The following TRDN variants were observed in gnomAD, a reference collection of about 807,000 sequenced individuals.
The protein encoded by TRDN is triadin in skeletal muscle.
In TRDN, 161 loss-of-function variants were observed where a neutral mutation model predicts 149.7. The ratio of observed to expected loss-of-function variants is 1.08; its 90% confidence interval spans 0.95 to 1.23. TRDN has a LOEUF of 1.23. TRDN is among the 50% of genes most tolerant of loss of function. TRDN has a pLI of 0.00. For synonymous variants in TRDN, 294 were observed against 250.5 expected (o/e 1.17, Z -1.64); for missense variants, 896 against 823.5 (o/e 1.09, Z -1.08).
At chr6:123,572,356 CT>C (rs1782624603) in intron 1 of TRDN, among the ~76,000 whole-genome samples, 2 of 152,062 alleles carry the variant, frequency 1.3e-5, no homozygotes, top group East Asian at 3.9e-4. Context: ...TTTACCTTTT[CT>C]TTTAATGCTA....
chr6:123,218,773 A>G (rs1369248415), intron 40 of TRDN, 33 bp from the exon 41 acceptor site: 1 of 1,546,580 alleles, frequency 6.5e-7, no homozygotes, highest in East Asian at 2.4e-5. Flanking sequence ...TTGTTAAAAC[A>G]TGCAGAACAT....
intron 1 of TRDN, among the ~76,000 whole-genome samples, chr6:123,624,089 A>G (rs995994331): frequency 6.6e-6 from 1 of 152,128 alleles, no homozygotes; most frequent in South Asian, 2.1e-4. Flanking sequence ...CATCCTTAGA[A>G]TTAAAACAGT....
At chr6:123,481,656 C>A (rs1380311595) in intron 9 of TRDN, among the ~76,000 whole-genome samples, 1 of 152,112 alleles carries the variant, frequency 6.6e-6, no homozygotes, top group Non-Finnish European at 1.5e-5. Context: ...ACCATTAGCA[C>A]TCAGTACCAC....
intron 5 of TRDN, among the ~76,000 whole-genome samples, chr6:123,526,079 G>A (rs1011764210): frequency 6.6e-6 from 1 of 151,934 alleles, no homozygotes; most frequent in Admixed American, 6.6e-5. Context: ...CCTATGACAA[G>A]CCATCTGACA....
chr6:123,620,182 G>A (rs141428668), intron 1 of TRDN, among the ~76,000 whole-genome samples: 2 of 152,276 alleles, frequency 1.3e-5, no homozygotes, highest in South Asian at 2.1e-4. Flanking sequence ...TGTTTTTAAA[G>A]TCTATATGTA....
At chr6:123,361,810 AT>A (rs1780919158) in intron 20 of TRDN, among the ~76,000 whole-genome samples, 1 of 151,500 alleles carries the variant, frequency 6.6e-6, no homozygotes, top group Non-Finnish European at 1.5e-5. Flanking sequence ...TTTATCTTTG[AT>A]TTTCCTTGTT....
chr6:123,484,650 G>T (rs1447871956), intron 9 of TRDN, among the ~76,000 whole-genome samples: 1 of 152,106 alleles, frequency 6.6e-6, no homozygotes, highest in Non-Finnish European at 1.5e-5. Flanking sequence ...CTGACAGCAA[G>T]TCCATGCCAT....
At chr6:123,448,956 C>T (rs1475554873) in intron 10 of TRDN, among the ~76,000 whole-genome samples, 4 of 152,170 alleles carry the variant, frequency 2.6e-5, no homozygotes, top group Middle Eastern at 6.8e-3. Context: ...GGTGGCTAGA[C>T]CCAGAAGAGA....
chr6:123,417,180 C>T (rs1890466), intron 12 of TRDN, among the ~76,000 whole-genome samples: 135,383 of 152,282 alleles, frequency 0.89, 60,394 homozygotes, highest in East Asian at 0.99. Context: ...CTGCATCTCC[C>T]TTTATATCTG....
chr6:123,532,637 C>G (rs1383659713), intron 4 of TRDN, among the ~76,000 whole-genome samples: 2 of 151,898 alleles, frequency 1.3e-5, no homozygotes, highest in African/African-American at 4.8e-5. Context: ...AATCCAATTC[C>G]TTGTAATAAT....
chr6:123,527,576 G>C (rs1780014831), intron 5 of TRDN, among the ~76,000 whole-genome samples: 1 of 151,796 alleles, frequency 6.6e-6, no homozygotes, highest in African/African-American at 2.4e-5. Flanking sequence ...CACTCTGCTT[G>C]GTACTCAAAA....
At chr6:123,497,281 G>GA (rs1254226026) in intron 8 of TRDN, 29 bp from the exon 9 acceptor site, 1 of 1,449,540 alleles carries the variant, frequency 6.9e-7, no homozygotes, top group South Asian at 1.4e-5. Flanking sequence ...AAAGAGCAAT[G>GA]AAAAAATGTC....
chr6:123,560,932 T>C (rs937235417), intron 2 of TRDN, among the ~76,000 whole-genome samples: 2 of 152,214 alleles, frequency 1.3e-5, no homozygotes, highest in African/African-American at 4.8e-5. Context: ...CCATCTGCTA[T>C]TCTACTACTC....
chr6:123,553,877 A>G (rs1781519429), intron 2 of TRDN, among the ~76,000 whole-genome samples: 1 of 152,148 alleles, frequency 6.6e-6, no homozygotes, highest in Non-Finnish European at 1.5e-5. Flanking sequence ...ATTCAAGATG[A>G]TATTTGGGTG....
intron 23 of TRDN, among the ~76,000 whole-genome samples, chr6:123,324,469 C>A (rs569693066): frequency 9.9e-5 from 15 of 151,810 alleles, no homozygotes; most frequent in African/African-American, 3.4e-4. Flanking sequence ...AAACAAAAAA[C>A]AAAACGAAAC....
Position 123,401,933 on chromosome 6 carries a change from C to T in TRDN, c.1052-8256G>A, listed in dbSNP as rs1380943155. 3.6e-5 allele frequency among the ~76,000 whole-genome samples: 5 copies of T among 140,730 alleles called. 1 individual carries two copies. In the South Asian group the frequency reaches 6.7e-4, roughly 19 times the overall value. The allele number at this position is 140,730 out of a possible 152,430, so 92.3% of individuals were successfully genotyped here. A position where few individuals can be genotyped will look rare whatever the true frequency, so the allele number is the denominator to read the frequency against. ...CTGCACTCCAGCCTGGGTAACGGAG[C>T]GAGACTCCAACTCAAAAAGAAAAAA... is the stretch of plus-strand genomic sequence containing the variant. On this transcript the variant is annotated intron_variant, in intron 12 of 40. Transcript: ENST00000334268.
chr6:123,420,643 AG>A (rs1773858422), intron 12 of TRDN, among the ~76,000 whole-genome samples: 1 of 152,182 alleles, frequency 6.6e-6, no homozygotes, highest in Non-Finnish European at 1.5e-5. Context: ...TCCTTTTTGA[AG>A]GATATAAAAC....
intron 37 of TRDN, among the ~76,000 whole-genome samples, chr6:123,253,328 T>A (rs1776443641): frequency 6.6e-6 from 1 of 152,060 alleles, no homozygotes; most frequent in Non-Finnish European, 1.5e-5. Flanking sequence ...GAAAATATGA[T>A]TTTTAAGCTA....
intron 14 of TRDN, among the ~76,000 whole-genome samples, chr6:123,384,199 T>A (rs560788824): frequency 1.3e-5 from 2 of 152,288 alleles, no homozygotes; most frequent in African/African-American, 4.8e-5. Flanking sequence ...AGTTTTATAT[T>A]AACAATATGC....
Sources: gnomAD v4.1 joint callset for allele counts (sites outside exome capture counted in the v4.1 genomes callset) on GRCh38, gnomAD v4.1.1 for gene constraint, MANE v1.5 for transcripts, NCBI Gene and HGNC (gene_info 2026-07-23, HGNC 2026-07-21) for gene names.